The following ROBO2 variants were observed in gnomAD, a reference collection of about 807,000 sequenced individuals.
The protein encoded by ROBO2 is roundabout guidance receptor 2, also known as roundabout homolog 2.
A neutral mutation model predicts 160.8 loss-of-function variants in ROBO2; 53 were observed. That is an observed-to-expected ratio of 0.33 (90% CI 0.26 to 0.41). The LOEUF (loss-of-function observed/expected upper bound fraction) is 0.41. Ranked by LOEUF, ROBO2 falls within the 10% of genes least tolerant of loss-of-function variation. ROBO2 has a pLI of 1.00. For synonymous variants in ROBO2, 664 were observed against 611.7 expected, an observed-to-expected ratio of 1.09 and a Z score of -1.26; for missense variants, 1,577 against 1,722.4, an observed-to-expected ratio of 0.92 and a Z score of 1.49.
At chr3:77,213,023 G>T (rs540753905) in intron 2 of ROBO2, among the ~76,000 whole-genome samples, 2 of 152,214 alleles carry the variant, frequency 1.3e-5, no homozygotes, top group Non-Finnish European at 1.5e-5. Context: ...CAGGGATATT[G>T]GTCTAAAATT....
intron 2 of ROBO2, among the ~76,000 whole-genome samples, chr3:76,401,695 T>C (rs1319063214): frequency 6.6e-6 from 1 of 151,370 alleles, no homozygotes; most frequent in East Asian, 1.9e-4. Context: ...ATTATTCTTG[T>C]TTTACAGGTA....
intron 2 of ROBO2, among the ~76,000 whole-genome samples, chr3:76,476,909 T>C (rs1033192915): frequency 6.6e-6 from 1 of 152,194 alleles, no homozygotes; most frequent in African/African-American, 2.4e-5. Flanking sequence ...TCAGAGGTAA[T>C]GCAGATGAAT....
At chr3:77,290,239 A>G (rs575046822) in intron 2 of ROBO2, among the ~76,000 whole-genome samples, 639 of 147,218 alleles carry the variant, frequency 4.3e-3, no homozygotes, top group African/African-American at 0.016. Context: ...CATAAAGTAA[A>G]ATTGATGGTT....
intron 2 of ROBO2, among the ~76,000 whole-genome samples, chr3:76,976,179 A>G (rs1038644096): frequency 2.6e-5 from 4 of 152,210 alleles, no homozygotes; most frequent in Non-Finnish European, 5.9e-5. Context: ...AAAAAATGGA[A>G]CTAGGCAATT....
intron 1 of ROBO2, among the ~76,000 whole-genome samples, chr3:77,074,892 C>T (rs2067802146): frequency 6.6e-6 from 1 of 152,100 alleles, no homozygotes; most frequent in African/African-American, 2.4e-5. Context: ...TGGATGTTGC[C>T]TTGTTTTTGT....
At chr3:76,861,462 C>G (rs2148617630) in intron 2 of ROBO2, among the ~76,000 whole-genome samples, 1 of 152,272 alleles carries the variant, frequency 6.6e-6, no homozygotes, top group Middle Eastern at 3.4e-3. Context: ...TATTACTCCT[C>G]TTCCTCTCAC....
At chr3:76,516,001 C>T (rs946268196) in intron 2 of ROBO2, among the ~76,000 whole-genome samples, 1 of 152,042 alleles carries the variant, frequency 6.6e-6, no homozygotes, top group Non-Finnish European at 1.5e-5. Context: ...TATAAACCTG[C>T]TATGAAAAAG....
intron 2 of ROBO2, among the ~76,000 whole-genome samples, chr3:77,230,558 C>T (rs979380163): frequency 6.6e-6 from 1 of 152,160 alleles, no homozygotes; most frequent in African/African-American, 2.4e-5. Context: ...CATATGTATT[C>T]GCACCAAATG....
chr3:76,343,060 T>C (rs926134613), intron 2 of ROBO2, among the ~76,000 whole-genome samples: 2 of 152,114 alleles, frequency 1.3e-5, no homozygotes, highest in African/African-American at 4.8e-5. Flanking sequence ...CACATAGGTC[T>C]TTCTCGGTAA....
At chr3:77,289,630 A>T (rs1458799262) in intron 2 of ROBO2, among the ~76,000 whole-genome samples, 1 of 151,882 alleles carries the variant, frequency 6.6e-6, no homozygotes, top group Non-Finnish European at 1.5e-5. Context: ...GGGTAAGCTG[A>T]GGCTAGATCA....
intron 2 of ROBO2, among the ~76,000 whole-genome samples, chr3:77,119,050 A>G (rs2074482174): frequency 6.6e-6 from 1 of 152,056 alleles, no homozygotes; most frequent in Non-Finnish European, 1.5e-5. Flanking sequence ...GATGAATGGT[A>G]GTGAGTGAGT....
chr3:77,067,253 T>C (rs2066956113), intron 1 of ROBO2, among the ~76,000 whole-genome samples: 1 of 152,104 alleles, frequency 6.6e-6, no homozygotes. Context: ...TTATAGTGAG[T>C]AGAATTTTAA....
At chr3:76,273,502 A>G (rs926710098) in intron 2 of ROBO2, among the ~76,000 whole-genome samples, 4 of 152,092 alleles carry the variant, frequency 2.6e-5, no homozygotes, top group Admixed American at 1.3e-4. Flanking sequence ...ACAGTTCTTC[A>G]TGGCTGGGGA....
intron 2 of ROBO2, among the ~76,000 whole-genome samples, chr3:77,104,944 T>C (rs1393583018): frequency 1.3e-5 from 2 of 152,176 alleles, no homozygotes; most frequent in Non-Finnish European, 2.9e-5. Flanking sequence ...CCCAATTAAG[T>C]TGGATAATCT....
chr3:77,198,194 C>T (rs897335576), intron 2 of ROBO2, among the ~76,000 whole-genome samples: 5 of 152,234 alleles, frequency 3.3e-5, no homozygotes, highest in Admixed American at 1.3e-4. Flanking sequence ...CTCCTTGTTA[C>T]TTACATTCTT....
intron 2 of ROBO2, among the ~76,000 whole-genome samples, chr3:76,042,101 A>T (rs570729804): frequency 6.6e-6 from 1 of 151,940 alleles, no homozygotes; most frequent in East Asian, 1.9e-4. Context: ...ATTTCATCCA[A>T]ACTTTAAATA....
chr3:76,215,616 A>T (rs1471684206), intron 2 of ROBO2, among the ~76,000 whole-genome samples: 2 of 152,206 alleles, frequency 1.3e-5, no homozygotes, highest in Non-Finnish European at 2.9e-5. Flanking sequence ...GAGAAAAAAG[A>T]TTAAAAAGAA....
At chr3:76,002,613 A>G (rs2107571539) in intron 2 of ROBO2, among the ~76,000 whole-genome samples, 1 of 152,260 alleles carries the variant, frequency 6.6e-6, no homozygotes, top group Middle Eastern at 3.4e-3. Flanking sequence ...ATCTTCTGCC[A>G]TGACTATGAG....
chr3:76,566,693 C>CA (rs1159843998), intron 2 of ROBO2, among the ~76,000 whole-genome samples: 1 of 151,322 alleles, frequency 6.6e-6, no homozygotes, highest in Admixed American at 6.6e-5. Context: ...AACAGCATGC[C>CA]AAAAATCATT....
Sources: gnomAD v4.1 joint callset for allele counts (sites outside exome capture counted in the v4.1 genomes callset) on GRCh38, gnomAD v4.1.1 for gene constraint, MANE v1.5 for transcripts, NCBI Gene and HGNC (gene_info 2026-07-23, HGNC 2026-07-21) for gene names.